The following RGS12 variants were observed in gnomAD, a reference collection of about 807,000 sequenced individuals.
The protein encoded by RGS12 is regulator of G-protein signaling 12.
A neutral mutation model predicts 120.1 loss-of-function variants in RGS12; 66 were observed. The observed-to-expected ratio is 0.55, with a 90% CI of 0.45 to 0.67. The LOEUF is 0.67. RGS12 is among the 30% of genes least tolerant of loss of function. The probability of loss-of-function intolerance (pLI) is 0.00; values close to 1 mark genes in which losing one functional copy is unlikely to be tolerated. For synonymous variants in RGS12, 827 were observed against 804.7 expected (o/e 1.03, Z -0.47); for missense variants, 1,859 against 1,957.7 (o/e 0.95, Z 0.95).
upstream of RGS12, among the ~76,000 whole-genome samples, chr4:3,292,824 A>C (rs767360567): frequency 6.6e-6 from 1 of 151,120 alleles, no homozygotes; most frequent in Non-Finnish European, 1.5e-5. Context: ...GCTTCTTCTC[A>C]TCCCTGCTTC....
chr4:3,289,032 T>C (rs115413924), upstream of RGS12, among the ~76,000 whole-genome samples: 1,363 of 152,224 alleles, frequency 9.0e-3, 20 homozygotes, highest in South Asian at 0.033. Flanking sequence ...CCTGTTGCCC[T>C]GCTGTGGGAG....
chr4:3,436,769 C>T (rs1359050958), intron 17 of RGS12, among the ~76,000 whole-genome samples: 4 of 152,124 alleles, frequency 2.6e-5, no homozygotes, highest in Non-Finnish European at 5.9e-5. Context: ...GAGGGGCCTG[C>T]GCATGTGGAA....
At chr4:3,403,939 G>T (rs1378021025) in intron 4 of RGS12, among the ~76,000 whole-genome samples, 3 of 152,236 alleles carry the variant, frequency 2.0e-5, no homozygotes, top group African/African-American at 7.2e-5. Context: ...TCACACCCCA[G>T]TATGAGGCTG....
intron 2 of RGS12, among the ~76,000 whole-genome samples, chr4:3,325,949 A>G (rs1366140404): frequency 6.6e-6 from 1 of 152,238 alleles, no homozygotes; most frequent in African/African-American, 2.4e-5. Flanking sequence ...CTCAATAGAC[A>G]TAGAAAAAGC....
At chr4:3,308,680 C>T (rs1724112077) in intron 1 of RGS12, among the ~76,000 whole-genome samples, 1 of 152,226 alleles carries the variant, frequency 6.6e-6, no homozygotes, top group South Asian at 2.1e-4. Flanking sequence ...TGAGACTTGT[C>T]TTTTTCTTCT....
At chr4:3,325,619 G>C (rs939692696) in intron 2 of RGS12, among the ~76,000 whole-genome samples, 29 of 152,284 alleles carry the variant, frequency 1.9e-4, no homozygotes, top group African/African-American at 6.7e-4. Flanking sequence ...AACCTATGAA[G>C]AACTAGTACC....
chr4:3,342,983 G>A lies in RGS12; in HGVS notation c.1928G>A (p.Arg643His), dbSNP rs368693467. The change falls in exon 3 of 18, where the codon CGC becomes CAC. Residue 643 changes from arginine to histidine, a missense_variant. Around this residue, in one of 3 missense-constraint regions of RGS12, gnomAD observed 967 missense variants for 994.2 expected, o/e 0.97. Coordinates refer to ENST00000336727, the MANE Select transcript of RGS12 (RefSeq NM_001394154.1). ...ACTGGACTCACTCAGCCTTCTCAAC[G>A]CACGTCTGCTCGGAGATCATTTGGG... is the stretch of plus-strand genomic sequence containing the variant. Reference protein sequence around the residue: ...RGTGLTQPSQRTSARRSFGRS... With the variant: ...RGTGLTQPSQHTSARRSFGRS... 11 of 1,613,822 alleles carry A rather than the reference G, an allele frequency of 6.8e-6. No individual in the cohort carries two copies. The highest frequency in any genetic ancestry group is 1.7e-5 in the Admixed American group (1 of 60,028).
Position 3,317,124 on chromosome 4 carries a change from G to C in RGS12, c.954G>C (p.Gln318His). The C allele has an allele frequency of 6.2e-7, 1 of 1,613,974 alleles. No individual in the cohort carries two copies. The highest frequency in any genetic ancestry group is 8.5e-7 in the Non-Finnish European group (1 of 1,180,050). ...DRRFFGLVTM[Q>H]TNDDGSLAQE... ...GATTTTTCGGGTTGGTTACCATGCAGACGAATGACGACGGGAGCCTGGCCC... is the reference window on the plus strand; with the variant it reads ...GATTTTTCGGGTTGGTTACCATGCACACGAATGACGACGGGAGCCTGGCCC... Residue 318 changes from glutamine to histidine, a missense_variant, in exon 2 of 18, where the codon CAG becomes CAC. Around this residue, in one of 3 missense-constraint regions of RGS12, gnomAD observed 967 missense variants for 994.2 expected, o/e 0.97. Coordinates refer to ENST00000336727, the MANE Select transcript of RGS12 (RefSeq NM_001394154.1).
intron 16 of RGS12, among the ~76,000 whole-genome samples, 158 bp from the exon 17 acceptor site, chr4:3,430,249 T>A (rs778788905): frequency 6.6e-6 from 1 of 152,218 alleles, no homozygotes; most frequent in South Asian, 2.1e-4. Flanking sequence ...TTCCGCTGTC[T>A]GTGGGAAGAT....
At chr4:3,309,714 C>CCGGGAA (rs1724235106) in intron 1 of RGS12, among the ~76,000 whole-genome samples, 1 of 133,556 alleles carries the variant, frequency 7.5e-6, no homozygotes. Flanking sequence ...GAGCTGGGAC[C>CCGGGAA]TGGGAATGGC....
chr4:3,429,728 G>T (rs1724041154), intron 16 of RGS12, among the ~76,000 whole-genome samples: 1 of 152,220 alleles, frequency 6.6e-6, no homozygotes, highest in Admixed American at 6.5e-5. Context: ...CCCCACAGTG[G>T]CTGGGCAGTG....
rs941885031 is a variant in RGS12, at chr4:3,366,969, G to A, written c.1999-19447G>A. On this transcript the variant is annotated intron_variant, in intron 3 of 17. Transcript: ENST00000336727. The surrounding 1 kb of genome is among the most constrained non-coding windows in gnomAD (Gnocchi z 4.0). ...CCTCTGCCCGGCTCAGCTCCTCCCC[G>A]CCCAGAATGCCCTCTGCCCCGCCAC... is the stretch of plus-strand genomic sequence containing the variant. Among the ~76,000 whole-genome samples, 4 of 152,164 alleles carry A rather than the reference G, an allele frequency of 2.6e-5. No homozygotes were observed. Among genetic ancestry groups the A allele is most frequent in the South Asian group, 2.1e-4 (1 of 4,812 alleles).
chr4:3,391,276 A>G (rs949935510), intron 4 of RGS12, among the ~76,000 whole-genome samples: 3 of 152,240 alleles, frequency 2.0e-5, no homozygotes, highest in Non-Finnish European at 2.9e-5. Flanking sequence ...CAGTTTTGGA[A>G]GTGTGGAGAC....
intron 4 of RGS12, among the ~76,000 whole-genome samples, chr4:3,387,573 G>A (rs1345581265): frequency 2.0e-5 from 3 of 152,212 alleles, no homozygotes; most frequent in Non-Finnish European, 4.4e-5. Context: ...TGGTGGAGAT[G>A]TATTTTGTAG....
intron 10 of RGS12, among the ~76,000 whole-genome samples, chr4:3,421,314 C>T (rs1722995236): frequency 1.3e-5 from 2 of 152,230 alleles, no homozygotes; most frequent in Non-Finnish European, 2.9e-5. Flanking sequence ...TTGCCAGCAT[C>T]CTGGTCATTT....
At chr4:3,367,385 G>A (rs987214124) in intron 3 of RGS12, among the ~76,000 whole-genome samples, 1 of 152,272 alleles carries the variant, frequency 6.6e-6, no homozygotes, top group African/African-American at 2.4e-5. Flanking sequence ...ATGATCGGGT[G>A]CTCCCGCCTT....
chr4:3,364,952 C>T (rs1367281467), intron 3 of RGS12, among the ~76,000 whole-genome samples: 1 of 152,028 alleles, frequency 6.6e-6, no homozygotes, highest in Non-Finnish European at 1.5e-5. Flanking sequence ...GAGGGGTGCA[C>T]CCTACACAAG....
chr4:3,300,656 C>T (rs896510515), intron 1 of RGS12, among the ~76,000 whole-genome samples: 2 of 152,216 alleles, frequency 1.3e-5, no homozygotes, highest in African/African-American at 2.4e-5. Flanking sequence ...CCCTTCCTGC[C>T]TCTCCCAGCT....
intron 3 of RGS12, among the ~76,000 whole-genome samples, chr4:3,343,661 T>C (rs749626152): frequency 6.6e-6 from 1 of 152,132 alleles, no homozygotes; most frequent in Non-Finnish European, 1.5e-5. Flanking sequence ...CTGTCCTCTC[T>C]GTGGGTTTGG....
Sources: gnomAD v4.1 joint callset for allele counts (sites outside exome capture counted in the v4.1 genomes callset) on GRCh38, gnomAD v4.1.1 for gene constraint, gnomAD v4.1.1 regional missense constraint, Gnocchi (gnomAD v3.1) non-coding constraint, MANE v1.5 for transcripts, NCBI Gene and HGNC (gene_info 2026-07-23, HGNC 2026-07-21) for gene names.